UBE2E2: variants seen among roughly 807,000 people sequenced by gnomAD.
The protein encoded by UBE2E2 is ubiquitin conjugating enzyme E2 E2, also known as ubiquitin-conjugating enzyme E2 E2.
Under a neutral mutation model 24.7 loss-of-function variants are expected in UBE2E2, and 6 were observed. The ratio of observed to expected loss-of-function variants is 0.24; its 90% CI spans 0.13 to 0.48. UBE2E2 has a LOEUF of 0.48. Ranked by LOEUF, UBE2E2 falls within the 20% of genes least tolerant of loss-of-function variation. UBE2E2 has a pLI of 0.99. For synonymous variants in UBE2E2, 104 were observed against 83.6 expected, an observed-to-expected ratio of 1.24 and a Z score of -1.33; for missense variants, 169 against 245.0, an observed-to-expected ratio of 0.69 and a Z score of 2.07.
chr3:23,232,999 C>A (rs1429903129), intron 3 of UBE2E2, among the ~76,000 whole-genome samples: 1 of 152,142 alleles, frequency 6.6e-6, no homozygotes, highest in Non-Finnish European at 1.5e-5. Context: ...TTGCTTTAAG[C>A]ATGAACATTT....
At chr3:23,411,823 T>G (rs553293585) in intron 3 of UBE2E2, among the ~76,000 whole-genome samples, 3 of 152,296 alleles carry the variant, frequency 2.0e-5, no homozygotes, top group South Asian at 4.1e-4. Context: ...GGTTCAGTGA[T>G]TGTTAGCTAT....
intron 2 of UBE2E2, among the ~76,000 whole-genome samples, 159 bp downstream of exon 2, chr3:23,209,034 A>G (rs1696238492): frequency 6.6e-6 from 1 of 152,164 alleles, no homozygotes; most frequent in African/African-American, 2.4e-5. Context: ...GGTTTTAACC[A>G]TAGGGAACTT....
chr3:23,289,129 G>A lies in UBE2E2; in HGVS notation c.227+71817G>A, dbSNP rs572340182. On this transcript the variant is annotated intron_variant, in intron 3 of 5. Coordinates refer to ENST00000396703, the MANE Select transcript of UBE2E2 (RefSeq NM_152653.4). ...GACAATTGGTGGAGGCTTCTATTTGGCCAACTTGCTCCTCCTCATTTGTAA... is the reference window on the plus strand; with the variant it reads ...GACAATTGGTGGAGGCTTCTATTTGACCAACTTGCTCCTCCTCATTTGTAA... 1.2e-4 allele frequency among the ~76,000 whole-genome samples: 19 copies of A among 152,310 alleles called. No homozygotes were observed. The South Asian group carries it at 3.3e-3, about 27-fold the overall frequency.
At chr3:23,458,063 T>C (rs1698719486) in intron 3 of UBE2E2, among the ~76,000 whole-genome samples, 1 of 152,182 alleles carries the variant, frequency 6.6e-6, no homozygotes, top group South Asian at 2.1e-4. Flanking sequence ...CTAACTGTTT[T>C]GCACAAGAGG....
intron 3 of UBE2E2, among the ~76,000 whole-genome samples, chr3:23,405,278 A>G (rs1697328645): frequency 6.6e-6 from 1 of 152,174 alleles, no homozygotes; most frequent in Non-Finnish European, 1.5e-5. Flanking sequence ...TTTTTAAAAA[A>G]TGCCAGTGAT....
chr3:23,563,874 T>C (rs373460254), intron 5 of UBE2E2, among the ~76,000 whole-genome samples: 10 of 152,038 alleles, frequency 6.6e-5, no homozygotes, highest in Admixed American at 3.9e-4. Flanking sequence ...CCTAAGACAG[T>C]ATAGCATGTG....
At chr3:23,562,382 C>G (rs1332389705) in intron 5 of UBE2E2, among the ~76,000 whole-genome samples, 1 of 152,146 alleles carries the variant, frequency 6.6e-6, no homozygotes, top group Admixed American at 6.5e-5. Flanking sequence ...TATTGATTTT[C>G]ATGTGTTGAA....
rs544570557 is a variant in UBE2E2, at chr3:23,221,697, C to T, written c.227+4385C>T. Among the ~76,000 whole-genome samples the T allele has an allele frequency of 1.5e-3, 229 of 151,686 alleles. 2 individuals are homozygous for T. The highest frequency in any genetic ancestry group is 2.4e-3 in the Non-Finnish European group (160 of 67,978). On this transcript the variant is annotated intron_variant, in intron 3 of 5. Transcript: ENST00000396703. ...TGTCGCCCAAACTAGAGTGCAATGG[C>T]GTGATCTTGGCTCCCTGCAAGCTCC...
chr3:23,505,922 G>A (rs746949304), intron 4 of UBE2E2, among the ~76,000 whole-genome samples: 2 of 152,130 alleles, frequency 1.3e-5, no homozygotes, highest in African/African-American at 2.4e-5. Context: ...AATTAGTTAC[G>A]ATAAGAAACA....
At chr3:23,435,274 C>T (rs1698154065) in intron 3 of UBE2E2, among the ~76,000 whole-genome samples, 1 of 152,170 alleles carries the variant, frequency 6.6e-6, no homozygotes, top group African/African-American at 2.4e-5. Flanking sequence ...CTGCTAGATA[C>T]AACACACAAT....
At chr3:23,564,018 A>G (rs929266415) in intron 5 of UBE2E2, among the ~76,000 whole-genome samples, 4 of 146,842 alleles carry the variant, frequency 2.7e-5, no homozygotes, top group African/African-American at 1.0e-4. Flanking sequence ...AGAAGGAAGG[A>G]AGGAAAGAGG....
At chr3:23,430,046 G>A (rs1180672015) in intron 3 of UBE2E2, among the ~76,000 whole-genome samples, 2 of 151,992 alleles carry the variant, frequency 1.3e-5, no homozygotes, top group Admixed American at 6.5e-5. Context: ...GTGCCTGGCC[G>A]AAGGAACATT....
At chr3:23,487,341 G>C (rs535138183) in intron 3 of UBE2E2, among the ~76,000 whole-genome samples, 1 of 152,234 alleles carries the variant, frequency 6.6e-6, no homozygotes, top group African/African-American at 2.4e-5. Context: ...ATCCGAGTCA[G>C]AACCACTGCT....
chr3:23,513,632 C>A (rs1477765447), intron 4 of UBE2E2, among the ~76,000 whole-genome samples: 1 of 152,112 alleles, frequency 6.6e-6, no homozygotes, highest in Non-Finnish European at 1.5e-5. Flanking sequence ...AGATTCTGCC[C>A]AGATTGCCCT....
intron 3 of UBE2E2, among the ~76,000 whole-genome samples, chr3:23,287,289 A>G (rs1202573362): frequency 1.3e-5 from 2 of 152,194 alleles, no homozygotes; most frequent in African/African-American, 2.4e-5. Flanking sequence ...CCATGATAAA[A>G]TGATCTTTTA....
intron 3 of UBE2E2, among the ~76,000 whole-genome samples, chr3:23,293,495 T>A (rs1485155879): frequency 6.6e-6 from 1 of 152,218 alleles, no homozygotes; most frequent in East Asian, 1.9e-4. Flanking sequence ...AACTTCATAG[T>A]TTTATGAGAT....
intron 3 of UBE2E2, among the ~76,000 whole-genome samples, chr3:23,245,239 A>G (rs1697365572): frequency 6.6e-6 from 1 of 152,180 alleles, no homozygotes; most frequent in Non-Finnish European, 1.5e-5. Flanking sequence ...AAGAGGGTAT[A>G]TAATTGATAA....
At chr3:23,316,911 G>A (rs1350216441) in intron 3 of UBE2E2, among the ~76,000 whole-genome samples, 1 of 152,064 alleles carries the variant, frequency 6.6e-6, no homozygotes. Context: ...GGGAATTAGG[G>A]CCTGGAATGG....
intron 3 of UBE2E2, among the ~76,000 whole-genome samples, chr3:23,380,550 C>T (rs1391897736): frequency 6.6e-6 from 1 of 152,186 alleles, no homozygotes; most frequent in Admixed American, 6.5e-5. Flanking sequence ...GCAGGCCTCC[C>T]TGCCCTATAC....
Sources: allele counts gnomAD v4.1 joint callset (sites outside exome capture counted in the v4.1 genomes callset), GRCh38; gene constraint gnomAD v4.1.1; transcripts MANE v1.5; gene names NCBI Gene and HGNC (gene_info 2026-07-23, HGNC 2026-07-21).